MYOF: variants seen among roughly 807,000 people sequenced by gnomAD.
MYOF encodes myoferlin.
A neutral mutation model predicts 284.2 loss-of-function variants in MYOF; 244 were observed. The observed-to-expected ratio is 0.86, with a 90% CI of 0.77 to 0.95. The LOEUF is 0.95. Among genes scored for constraint, MYOF ranks in the 40% least tolerant of loss-of-function variants. MYOF has a pLI of 0.00. For synonymous variants in MYOF, 904 were observed against 919.7 expected (o/e 0.98, Z 0.31); for missense variants, 2,496 against 2,560.6 (o/e 0.97, Z 0.54).
At chr10:93,440,490 T>A (rs1286681500) in intron 3 of MYOF, among the ~76,000 whole-genome samples, 2 of 152,124 alleles carry the variant, frequency 1.3e-5, no homozygotes, top group African/African-American at 4.8e-5. Context: ...ACCCTGCTGT[T>A]TTCTCTCCTT....
chr10:93,410,055 T>C (rs190324785), intron 5 of MYOF, among the ~76,000 whole-genome samples: 1 of 152,300 alleles, frequency 6.6e-6, no homozygotes, highest in Admixed American at 6.5e-5. Flanking sequence ...TGAGTTCTCA[T>C]TAGTGTTAGG....
intron 1 of MYOF, among the ~76,000 whole-genome samples, chr10:93,469,697 C>T (rs570373552): frequency 6.6e-6 from 1 of 152,152 alleles, no homozygotes; most frequent in Non-Finnish European, 1.5e-5. Context: ...GCTGAGTTCA[C>T]GTGCCTGACC....
At chr10:93,478,834 A>AGAAAGAAAGAAAGAAAGAAAGAAAGAAAG (rs56922921) in intron 1 of MYOF, among the ~76,000 whole-genome samples, 1 of 98,058 alleles carries the variant, frequency 1.0e-5, no homozygotes, top group African/African-American at 3.8e-5. Context: ...TCAAAAAAAA[A>AGAAAGAAAGAAAGAAAGAAAGAAAGAAAG]AAAAAAAAAG....
intron 4 of MYOF, among the ~76,000 whole-genome samples, chr10:93,431,031 T>C (rs1192937940): frequency 6.7e-6 from 1 of 150,188 alleles, no homozygotes; most frequent in African/African-American, 2.4e-5. Flanking sequence ...TTTCTTTTTT[T>C]TTTTTTTTTT....
Position 93,323,118 on chromosome 10 carries a change from T to A in MYOF, c.5416A>T (p.Ser1806Cys). ...TCACTCATTTCCTCTCCTGTGATGC[T>A]TTTCTCGTCCAAGATAACGTCCTTG... ...NTKDVILDEK[S>C]ITGEEMSDIY... The change falls in exon 48 of 54, where the codon AGC becomes TGC. Residue 1806 changes from serine (S) to cysteine (C), a missense_variant. This residue lies in a region of MYOF where 2,436 missense variants were observed against 2,480.7 expected (regional missense o/e 0.98). Coordinates refer to ENST00000359263, the MANE Select transcript of MYOF (RefSeq NM_013451.4). The A allele has an allele frequency of 6.2e-7, 1 of 1,614,136 alleles. No homozygotes were observed. The highest frequency in any genetic ancestry group is 8.5e-7 in the Non-Finnish European group (1 of 1,179,952).
At chr10:93,386,860 T>A (rs1277656818) in intron 19 of MYOF, among the ~76,000 whole-genome samples, 1 of 152,198 alleles carries the variant, frequency 6.6e-6, no homozygotes, top group Admixed American at 6.5e-5. Context: ...GAGAAGGCCC[T>A]GGCTCGCTGG....
At chr10:93,464,711 G>GC (rs1333437565) in intron 1 of MYOF, among the ~76,000 whole-genome samples, 4 of 152,074 alleles carry the variant, frequency 2.6e-5, no homozygotes, top group African/African-American at 9.6e-5. Context: ...TTTATGATGT[G>GC]CCCCCCAAGT....
intron 3 of MYOF, among the ~76,000 whole-genome samples, chr10:93,441,354 T>C (rs2056244432): frequency 6.6e-6 from 1 of 152,216 alleles, no homozygotes; most frequent in Non-Finnish European, 1.5e-5. Flanking sequence ...CTTTTGTTTT[T>C]TCTAATTTAA....
At chr10:93,420,359 G>C (rs1848309788) in intron 5 of MYOF, among the ~76,000 whole-genome samples, 1 of 152,198 alleles carries the variant, frequency 6.6e-6, no homozygotes, top group African/African-American at 2.4e-5. Flanking sequence ...AGGTTTTCAG[G>C]TCAAGCCTGG....
At chr10:93,365,426 T>C (rs920599419) in intron 26 of MYOF, among the ~76,000 whole-genome samples, 4 of 152,242 alleles carry the variant, frequency 2.6e-5, no homozygotes, top group Non-Finnish European at 5.9e-5. Context: ...TTTCTTTCTT[T>C]TTAATAACAG....
At chr10:93,378,613 C>A (rs1201859075) in intron 21 of MYOF, among the ~76,000 whole-genome samples, 1 of 149,356 alleles carries the variant, frequency 6.7e-6, no homozygotes, top group Non-Finnish European at 1.5e-5. Flanking sequence ...AATCAAAACA[C>A]CAATGCCAGA....
intron 38 of MYOF, chr10:93,340,394 G>T (rs1843842970): frequency 3.7e-6 from 2 of 537,888 alleles, no homozygotes; most frequent in Non-Finnish European, 6.6e-6. Flanking sequence ...TATGCAAAAG[G>T]TTACACACAG....
At position 93,356,814 on chromosome 10, in the gene MYOF, T is replaced by C; in HGVS notation, c.3155A>G (p.Glu1052Gly). ...TTTCCAGCCAATTAGAGAAGCATATTCCCAGCCCTCTTGGTCTTGCAATTC... is the reference window on the plus strand; with the variant it reads ...TTTCCAGCCAATTAGAGAAGCATATCCCCAGCCCTCTTGGTCTTGCAATTC... Reference protein sequence around the residue: ...MEELQDQEGWEYASLIGWKFH... With the variant: ...MEELQDQEGWGYASLIGWKFH... Residue 1052 changes from glutamate to glycine, a missense_variant, in exon 30 of 54, where the codon GAA becomes GGA. Coordinates refer to ENST00000359263, the MANE Select transcript of MYOF (RefSeq NM_013451.4). 3 of 1,613,946 alleles carry C rather than the reference T, an allele frequency of 1.9e-6. No homozygotes were observed. Among genetic ancestry groups the C allele is most frequent in the Non-Finnish European group, 2.5e-6 (3 of 1,179,976 alleles).
At position 93,326,686 on chromosome 10, in the gene MYOF, G is replaced by A. The variant is rs148589600; in HGVS notation, c.5132-721C>T. ...GTCATCCAGGCTGGAGTGCAATGGC[G>A]TGATCTCGGCTCACTGCAACCCCTG... On this transcript the variant is annotated intron_variant, in intron 45 of 53. Coordinates refer to ENST00000359263, the MANE Select transcript of MYOF (RefSeq NM_013451.4). 7.1e-3 allele frequency among the ~76,000 whole-genome samples: 1,075 copies of A among 152,282 alleles called. 9 individuals are homozygous for A. Among genetic ancestry groups the A allele is most frequent in the African/African-American group, 0.024 (991 of 41,556 alleles).
intron 45 of MYOF, among the ~76,000 whole-genome samples, chr10:93,327,016 G>A (rs942507572): frequency 6.6e-6 from 1 of 152,030 alleles, no homozygotes; most frequent in Non-Finnish European, 1.5e-5. Flanking sequence ...CTTTGAATCT[G>A]GAGACGTAGT....
chr10:93,424,461 T>C (rs769549193), intron 5 of MYOF, among the ~76,000 whole-genome samples: 4 of 152,280 alleles, frequency 2.6e-5, no homozygotes, highest in African/African-American at 7.2e-5. Flanking sequence ...TTGTTTGTTT[T>C]TTTTTGTCAT....
At chr10:93,391,275 C>G (rs1460560230) in intron 17 of MYOF, among the ~76,000 whole-genome samples, 1 of 152,190 alleles carries the variant, frequency 6.6e-6, no homozygotes, top group Non-Finnish European at 1.5e-5. Flanking sequence ...GTGCTCACAT[C>G]TTAGTATAGT....
chr10:93,317,014 C>T (rs1359388566), intron 49 of MYOF, among the ~76,000 whole-genome samples: 2 of 151,208 alleles, frequency 1.3e-5, no homozygotes, highest in Non-Finnish European at 1.5e-5. Context: ...AAGGAATGTC[C>T]CAGGTTTTTC....
rs774580445 is a variant in MYOF at position 93,310,514 on chromosome 10, G to A, written c.5999+20C>T. 1 of 1,610,712 alleles carries A rather than the reference G, an allele frequency of 6.2e-7. No homozygotes were observed. The highest frequency in any genetic ancestry group is 1.1e-5 in the South Asian group (1 of 90,964). On this transcript the variant is annotated intron_variant, in intron 52 of 53. Coordinates refer to ENST00000359263, the MANE Select transcript of MYOF (RefSeq NM_013451.4). ...GCCTGCAGGTGTTTGGGGAGTGGGA[G>A]AACAAAGAAGGCCTCTCACTTTGGT... is the stretch of plus-strand genomic sequence containing the variant.
Sources: gnomAD v4.1 joint callset for allele counts (sites outside exome capture counted in the v4.1 genomes callset) on GRCh38, gnomAD v4.1.1 for gene constraint, gnomAD v4.1.1 regional missense constraint, MANE v1.5 for transcripts, NCBI Gene and HGNC (gene_info 2026-07-23, HGNC 2026-07-21) for gene names.